Variants in LRRC28 observed in about 807,000 individuals in gnomAD.
LRRC28 encodes leucine-rich repeat-containing protein 28.
Under a neutral mutation model 45.7 loss-of-function variants are expected in LRRC28, and 39 were observed. That is an observed-to-expected ratio of 0.85 (90% CI 0.66 to 1.12). The LOEUF (loss-of-function observed/expected upper bound fraction) is 1.12. Ranked by LOEUF, LRRC28 falls within the 50% of genes most tolerant of loss-of-function variation. LRRC28 has a pLI of 0.00. For synonymous variants in LRRC28, 206 were observed against 178.8 expected, an observed-to-expected ratio of 1.15 and a Z score of -1.22; for missense variants, 435 against 438.5, an observed-to-expected ratio of 0.99 and a Z score of 0.07.
intron 5 of LRRC28, among the ~76,000 whole-genome samples, chr15:99,292,653 C>T (rs367784902): frequency 3.6e-4 from 55 of 152,294 alleles, no homozygotes; most frequent in African/African-American, 8.9e-4. Context: ...CGTGAGCCAC[C>T]GCGCCCAGCC....
chr15:99,282,312 C>T (rs1271687949), intron 3 of LRRC28, among the ~76,000 whole-genome samples: 1 of 151,230 alleles, frequency 6.6e-6, no homozygotes, highest in East Asian at 1.9e-4. Context: ...GGATTTCCTT[C>T]CTGTTCTACA....
intron 1 of LRRC28, among the ~76,000 whole-genome samples, chr15:99,253,266 G>A (rs913745678): frequency 2.0e-5 from 3 of 152,000 alleles, no homozygotes; most frequent in African/African-American, 7.2e-5. Context: ...GATTACAGGC[G>A]CCCGCCACCA....
At chr15:99,368,623 C>A (rs189261483) in intron 9 of LRRC28, among the ~76,000 whole-genome samples, 34 of 152,250 alleles carry the variant, frequency 2.2e-4, no homozygotes, top group Non-Finnish European at 4.1e-4. Flanking sequence ...GTTCTTTTGG[C>A]CATCCTGCCT....
intron 5 of LRRC28, among the ~76,000 whole-genome samples, chr15:99,295,825 T>C (rs186190956): frequency 6.6e-6 from 1 of 152,342 alleles, no homozygotes; most frequent in East Asian, 1.9e-4. Flanking sequence ...ATAACCAGCA[T>C]GTGTTGTTCC....
intron 3 of LRRC28, chr15:99,285,162 T>C: frequency 1.4e-6 from 1 of 723,894 alleles, no homozygotes; most frequent in Non-Finnish European, 2.6e-6. Context: ...TGTCACTGCC[T>C]CAGTCAGTCA....
intron 5 of LRRC28, among the ~76,000 whole-genome samples, chr15:99,294,479 C>A (rs2082212913): frequency 6.6e-6 from 1 of 152,136 alleles, no homozygotes. Flanking sequence ...ATTCAGGCTG[C>A]TGTAAACAAA....
chr15:99,356,455 C>T (rs941485250), intron 7 of LRRC28, among the ~76,000 whole-genome samples: 1 of 152,140 alleles, frequency 6.6e-6, no homozygotes, highest in Non-Finnish European at 1.5e-5. Context: ...GAGGAAATGT[C>T]ACTGAACTGG....
intron 9 of LRRC28, among the ~76,000 whole-genome samples, chr15:99,372,515 G>A (rs757109774): frequency 1.3e-5 from 2 of 152,090 alleles, no homozygotes; most frequent in Non-Finnish European, 2.9e-5. Context: ...AGATTGGTTG[G>A]TGTACTTGTA....
At chr15:99,262,905 C>T (rs2081236468) in intron 2 of LRRC28, among the ~76,000 whole-genome samples, 1 of 151,926 alleles carries the variant, frequency 6.6e-6, no homozygotes. Context: ...CTGCCTTAGC[C>T]TCCCAAAGTG....
chr15:99,355,653 T>C (rs1052613960), intron 7 of LRRC28: 2 of 151,906 alleles, frequency 1.3e-5, no homozygotes, highest in African/African-American at 4.8e-5. Context: ...TAGAGAATGG[T>C]AATTGGCACA....
At chr15:99,263,604 G>A (rs1243941020) in intron 2 of LRRC28, among the ~76,000 whole-genome samples, 4 of 152,202 alleles carry the variant, frequency 2.6e-5, no homozygotes, top group Admixed American at 6.5e-5. Context: ...GCTTTCAAGA[G>A]CAGGAACTGT....
At chr15:99,350,863 G>C (rs1223894156) in intron 6 of LRRC28, among the ~76,000 whole-genome samples, 1 of 152,134 alleles carries the variant, frequency 6.6e-6, no homozygotes, top group African/African-American at 2.4e-5. Flanking sequence ...GCAGTGGAAT[G>C]ATCTTGGCTC....
At chr15:99,341,774 T>G (rs1450736926) in intron 6 of LRRC28, among the ~76,000 whole-genome samples, 1 of 151,838 alleles carries the variant, frequency 6.6e-6, no homozygotes, top group Non-Finnish European at 1.5e-5. Flanking sequence ...ACCAGGAGAG[T>G]TTTTTGTTGT....
intron 5 of LRRC28, among the ~76,000 whole-genome samples, chr15:99,291,641 T>C (rs1052079868): frequency 2.0e-5 from 3 of 152,244 alleles, no homozygotes; most frequent in African/African-American, 4.8e-5. Flanking sequence ...ACTTGTCACA[T>C]GTTATATTCT....
At chr15:99,289,939 C>CAAAAAAAAAAG (rs2082070148) in intron 5 of LRRC28, among the ~76,000 whole-genome samples, 1 of 49,736 alleles carries the variant, frequency 2.0e-5, no homozygotes, top group Non-Finnish European at 3.4e-5. Context: ...GACTCCGTCT[C>CAAAAAAAAAAG]AAAAAAAAAA....
At chr15:99,363,507 A>G (rs886351413) in intron 9 of LRRC28, 84 of 300,288 alleles carry the variant, frequency 2.8e-4, no homozygotes, top group Non-Finnish European at 1.2e-4. Flanking sequence ...AGAGGAGCTC[A>G]TTCTTTGTGA....
Position 99,361,434 on chromosome 15 carries a change from C to T in LRRC28, c.794C>T (p.Thr265Met), listed in dbSNP as rs757269915. ...FLPAEVKAIG[T>M]EHDHVLPLQE... ...CCAGCTGAGGTGAAGGCCATAGGGA[C>T]GGAGCATGATCACGTCCTCCCTCTG... Residue 265 changes from threonine (T) to methionine (M), a missense_variant, in exon 8 of 10, where the codon ACG (threonine) becomes ATG (methionine). Physicochemically the swap from Thr to Met is moderately conservative, Grantham distance 81 (BLOSUM62 -1). Transcript: ENST00000301981. 1.6e-5 allele frequency: 26 copies of T among 1,613,964 alleles called. No homozygotes were observed. In the East Asian group the frequency reaches 1.8e-4, roughly 11 times the overall value.
At chr15:99,256,340 A>G (rs561339749) in intron 2 of LRRC28, 1 of 391,876 alleles carries the variant, frequency 2.6e-6, no homozygotes, top group Admixed American at 4.3e-5. Flanking sequence ...TGTGTAGGAA[A>G]GCAAAATACT....
intron 9 of LRRC28, among the ~76,000 whole-genome samples, chr15:99,375,926 C>T (rs1213852201): frequency 6.6e-6 from 1 of 151,806 alleles, no homozygotes; most frequent in Non-Finnish European, 1.5e-5. Context: ...ATTGGTTTCT[C>T]CTCTTTATTA....
Sources: gnomAD v4.1 joint callset for allele counts (sites outside exome capture counted in the v4.1 genomes callset) on GRCh38, gnomAD v4.1.1 for gene constraint, MANE v1.5 for transcripts, NCBI Gene and HGNC (gene_info 2026-07-23, HGNC 2026-07-21) for gene names.